Variants in DERL1 observed in about 807,000 individuals in gnomAD.
DERL1 encodes derlin-1.
In DERL1, 24 loss-of-function variants were observed where a neutral mutation model predicts 41.6. The ratio of observed to expected loss-of-function variants is 0.58; its 90% CI spans 0.42 to 0.81. DERL1 has a LOEUF of 0.81. Among genes scored for constraint, DERL1 ranks in the 30% least tolerant of loss-of-function variants. DERL1 has a pLI of 0.00. For synonymous variants in DERL1, 124 were observed against 112.5 expected, an observed-to-expected ratio of 1.10 and a Z score of -0.65; for missense variants, 260 against 314.3, an observed-to-expected ratio of 0.83 and a Z score of 1.31.
chr8:123,027,558 C>G (rs1812728461), intron 2 of DERL1, among the ~76,000 whole-genome samples: 2 of 152,102 alleles, frequency 1.3e-5, no homozygotes, highest in South Asian at 4.1e-4. Flanking sequence ...TCAGCTCAAG[C>G]CTTTCAAAAT....
At chr8:123,039,593 G>T (rs1813000386) in intron 1 of DERL1, among the ~76,000 whole-genome samples, 2 of 152,194 alleles carry the variant, frequency 1.3e-5, no homozygotes, top group South Asian at 4.1e-4. Context: ...AAAGCTGGCT[G>T]GCTGGCTCCT....
At chr8:123,021,525 T>C in intron 5 of DERL1, 26 bp from the exon 6 acceptor site, 1 of 1,606,630 alleles carries the variant, frequency 6.2e-7, no homozygotes, top group South Asian at 1.1e-5. Context: ...TATATGCAAA[T>C]GTGAGTAGCC....
At chr8:123,038,956 A>G (rs1812988885) in intron 1 of DERL1, among the ~76,000 whole-genome samples, 1 of 152,150 alleles carries the variant, frequency 6.6e-6, no homozygotes, top group Non-Finnish European at 1.5e-5. Flanking sequence ...CTCTTCATCC[A>G]TACCAGCCCC....
intron 1 of DERL1, among the ~76,000 whole-genome samples, chr8:123,037,938 TAATC>T (rs1322634270): frequency 3.3e-5 from 5 of 152,238 alleles, no homozygotes; most frequent in Non-Finnish European, 1.5e-5. Flanking sequence ...CTTGTGTAGT[TAATC>T]AACGATTAAT....
Position 123,042,009 on chromosome 8 carries a change from G to A in DERL1, c.114C>T (p.Tyr38=). The A allele has an allele frequency of 6.2e-7, 1 of 1,613,864 alleles. No homozygotes were observed. The highest frequency in any genetic ancestry group is 2.2e-5 in the East Asian group (1 of 44,862). The change falls in exon 1 of 8, where the codon TAC becomes TAT. Residue 38 remains tyrosine (Y), a synonymous_variant. Coordinates refer to ENST00000259512, the MANE Select transcript of DERL1 (RefSeq NM_024295.6). ...GGAAGGCTTCGGGCCAGAGGAAGAG[G>A]TAGGCCGGGCTGATGAGGCCGAGTT... is the stretch of plus-strand genomic sequence containing the variant. ...VGKLGLISPA[Y]LFLWPEAFLY...
Position 123,041,031 on chromosome 8 carries a change from G to A in DERL1, c.153+939C>T, listed in dbSNP as rs533715800. On this transcript the variant is annotated intron_variant, in intron 1 of 7. Transcript: ENST00000259512. ...GTTTATAGAAAGTATGTAAAGCCCT[G>A]AGGCTGAATGAATGAGACCACCTAA... is the stretch of plus-strand genomic sequence containing the variant. Among the ~76,000 whole-genome samples, 8 of 152,328 alleles carry A rather than the reference G, an allele frequency of 5.3e-5. No individual in the cohort carries two copies. In the East Asian group the frequency reaches 9.6e-4, roughly 18 times the overall value.
chr8:123,019,823 G>A lies in DERL1; in HGVS notation c.507-518C>T, dbSNP rs543763122. 3.3e-5 allele frequency among the ~76,000 whole-genome samples: 5 copies of A among 152,172 alleles called. No individual in the cohort carries two copies. The East Asian group carries it at 7.7e-4, about 24-fold the overall frequency. Reference sequence around the variant, plus strand: ...ACCACAGAGATCACTTAGGAAAGCCGACTTGCACCCTGAAATCAACGCTGA... The same window carrying A: ...ACCACAGAGATCACTTAGGAAAGCCAACTTGCACCCTGAAATCAACGCTGA... On this transcript the variant is annotated intron_variant, in intron 6 of 7. Transcript: ENST00000259512.
chr8:123,033,264 GGTTA>G (rs1812855086), intron 1 of DERL1, among the ~76,000 whole-genome samples: 1 of 151,808 alleles, frequency 6.6e-6, no homozygotes, highest in South Asian at 2.1e-4. Flanking sequence ...CAATTTTCTT[GGTTA>G]GTCTCAATAT....
Position 123,023,721 on chromosome 8 carries a change from C to T in DERL1, c.349G>A (p.Asp117Asn). Residue 117 changes from aspartate to asparagine, a missense_variant, in exon 4 of 8, where the codon GAT becomes AAT. Coordinates refer to ENST00000259512, the MANE Select transcript of DERL1 (RefSeq NM_024295.6). ...ICIVITGLAMDMQLLMIPLIM... is the reference protein window; with the variant it reads ...ICIVITGLAMNMQLLMIPLIM... ...TTTAAATGGACACTTACCTGCATAT[C>T]CATTGCTAAGCCAGTAATCTTGGTT... 1 of 1,608,984 alleles carries T rather than the reference C, an allele frequency of 6.2e-7. No homozygotes were observed.
chr8:123,018,108 A>C (rs1364215474), intron 7 of DERL1: 1 of 152,214 alleles, frequency 6.6e-6, no homozygotes, highest in East Asian at 1.9e-4. Flanking sequence ...TACTGCCCTC[A>C]CTGATCCCTT....
chr8:123,029,502 G>A lies in DERL1; in HGVS notation c.265+1103C>T, dbSNP rs999311356. On this transcript the variant is annotated intron_variant, in intron 2 of 7. Coordinates refer to ENST00000259512, the MANE Select transcript of DERL1 (RefSeq NM_024295.6). ...ACTGATTCGCAATTCTCAACCATAT[G>A]AGCACTGACTTACATACACTTAAGG... Among the ~76,000 whole-genome samples the A allele has an allele frequency of 3.9e-5, 6 of 152,246 alleles. 1 individual carries two copies. The highest frequency in any genetic ancestry group is 6.8e-3 in the Middle Eastern group (2 of 294).
chr8:123,037,732 A>G (rs1812957423), intron 1 of DERL1, among the ~76,000 whole-genome samples: 1 of 152,240 alleles, frequency 6.6e-6, no homozygotes, highest in Admixed American at 6.5e-5. Context: ...AACGAAATAG[A>G]AACTGAAACT....
chr8:123,038,036 A>G (rs998386683), intron 1 of DERL1, among the ~76,000 whole-genome samples: 4 of 152,232 alleles, frequency 2.6e-5, no homozygotes, highest in African/African-American at 9.6e-5. Flanking sequence ...CGTAGACAAC[A>G]GTATAATGAG....
At chr8:123,022,611 A>G (rs1184055904) in intron 5 of DERL1, 73 bp downstream of exon 5, 15 of 1,451,444 alleles carry the variant, frequency 1.0e-5, no homozygotes, top group Non-Finnish European at 1.5e-5. Flanking sequence ...TGAGTCAGAA[A>G]GTACATCTCT....
chr8:123,038,935 C>T (rs2130498257), intron 1 of DERL1, among the ~76,000 whole-genome samples: 1 of 152,322 alleles, frequency 6.6e-6, no homozygotes, highest in Middle Eastern at 3.4e-3. Context: ...CTTAGCACAG[C>T]CAAAACCTAA....
rs1331456505 is a variant in DERL1 at position 123,042,189 on chromosome 8, C to T, written c.-67G>A. On this transcript the variant is annotated 5_prime_UTR_variant, in exon 1 of 8. Transcript: ENST00000259512. ...TCCCCGTGCCGACCCCCTCACGACG[C>T]GGCCGGCTCCGCGACTGTTAGGTGT... 4.0e-6 allele frequency: 6 copies of T among 1,494,248 alleles called. No homozygotes were observed. The highest frequency in any genetic ancestry group is 5.4e-6 in the Non-Finnish European group (6 of 1,117,098). The allele number at this position is 1,494,248 out of a possible 1,614,324, so 92.6% of individuals were successfully genotyped here.
chr8:123,014,544 A>C lies in DERL1; in HGVS notation c.*903T>G, dbSNP rs1814503381. On this transcript the variant is annotated 3_prime_UTR_variant, in exon 8 of 8. Coordinates refer to ENST00000259512, the MANE Select transcript of DERL1 (RefSeq NM_024295.6). ...CAATGCCCAGGAGCCTCTCAAAGAG[A>C]GCATCTCCCTGTAGCCAACATGATC... 6.6e-6 allele frequency: 1 copy of C among 152,646 alleles called. No homozygotes were observed. Among genetic ancestry groups the C allele is most frequent in the South Asian group, 2.1e-4 (1 of 4,834 alleles). 9.5% of individuals were successfully genotyped at this position (152,646 alleles called of 1,614,324 possible). A position where few individuals can be genotyped will look rare whatever the true frequency, so the allele number is the denominator to read the frequency against.
Position 123,041,957 on chromosome 8 carries a change from C to T in DERL1, c.153+13G>A, listed in dbSNP as rs758894726. On this transcript the variant is annotated intron_variant, in intron 1 of 7. Transcript: ENST00000259512. Reference sequence around the variant, plus strand: ...GGCCTGTAGTCTCCACGCCCCCCGTCTCCGGTAAGTACCTGAAAGCGATAA... The same window carrying T: ...GGCCTGTAGTCTCCACGCCCCCCGTTTCCGGTAAGTACCTGAAAGCGATAA... The T allele has an allele frequency of 6.3e-7, 1 of 1,598,960 alleles. No homozygotes were observed. The highest frequency in any genetic ancestry group is 1.1e-5 in the South Asian group (1 of 89,656).
chr8:123,030,829 G>C (rs1289993239), intron 1 of DERL1, 113 bp from the exon 2 acceptor site: 17 of 713,540 alleles, frequency 2.4e-5, no homozygotes, highest in Non-Finnish European at 2.4e-6. Flanking sequence ...GTGTGAAAGT[G>C]ATCCTACCAA....
Sources: allele counts gnomAD v4.1 joint callset (sites outside exome capture counted in the v4.1 genomes callset), GRCh38; gene constraint gnomAD v4.1.1; transcripts MANE v1.5; gene names NCBI Gene and HGNC (gene_info 2026-07-23, HGNC 2026-07-21).